CIMIP4: variants seen among roughly 807,000 people sequenced by gnomAD.
The protein encoded by CIMIP4 is ciliary microtubule inner protein 4.
the CIMIP4 span, chr22:37,004,160 G>T: frequency 2.7e-6 from 2 of 737,616 alleles, no homozygotes; most frequent in East Asian, 6.1e-5. Context: ...AGCTGCCCCT[G>T]GTGCCCTCTG....
At chr22:36,999,349 G>A in the CIMIP4 span, among the ~76,000 whole-genome samples, 3 of 148,738 alleles carry the variant, frequency 2.0e-5, no homozygotes, top group East Asian at 2.0e-4. Context: ...GTATGGTGGC[G>A]CGCATCTGTG....
chr22:36,992,218 G>T, the CIMIP4 span, among the ~76,000 whole-genome samples: 2 of 152,080 alleles, frequency 1.3e-5, no homozygotes, highest in Admixed American at 6.5e-5. Context: ...GTGGTGGCGG[G>T]CTCCTGTAAT....
At chr22:37,000,098 T>C in the CIMIP4 span, 1 of 1,345,916 alleles carries the variant, frequency 7.4e-7, no homozygotes, top group Non-Finnish European at 9.9e-7. Flanking sequence ...ATCCCACCTG[T>C]AGCCTGCAGC....
the CIMIP4 span, among the ~76,000 whole-genome samples, chr22:36,996,558 T>A: frequency 3.6e-3 from 553 of 152,222 alleles, 3 homozygotes; most frequent in African/African-American, 0.013. Flanking sequence ...AATGGAGGTA[T>A]ATACCATATT....
chr22:37,002,442 G>C, the CIMIP4 span: 1 of 539,634 alleles, frequency 1.9e-6, no homozygotes, highest in African/African-American at 1.9e-5. Context: ...TCCACAGCCA[G>C]AGAAGGGGAG....
At chr22:36,991,933 GT>G in the CIMIP4 span, among the ~76,000 whole-genome samples, 8 of 152,134 alleles carry the variant, frequency 5.3e-5, no homozygotes, top group Non-Finnish European at 1.2e-4. Context: ...ACTTATCTCT[GT>G]TTTCAAAATT....
chr22:37,003,826 A>G, the CIMIP4 span: 1 of 740,608 alleles, frequency 1.4e-6, no homozygotes, highest in Non-Finnish European at 2.0e-6. Context: ...ATGCCCCCCT[A>G]GGAAGCCTGG....
chr22:36,992,516 C>T, the CIMIP4 span, among the ~76,000 whole-genome samples: 1 of 152,008 alleles, frequency 6.6e-6, no homozygotes, highest in Non-Finnish European at 1.5e-5. Context: ...AAAAATTAAA[C>T]TCCATGGCAA....
chr22:37,005,082 G>A, the CIMIP4 span, among the ~76,000 whole-genome samples: 25 of 152,144 alleles, frequency 1.6e-4, no homozygotes, highest in Non-Finnish European at 3.2e-4. Context: ...GCCCTGTGGA[G>A]CAGCCCATGG....
At chr22:37,004,637 G>C in the CIMIP4 span, among the ~76,000 whole-genome samples, 1 of 151,948 alleles carries the variant, frequency 6.6e-6, no homozygotes. Flanking sequence ...TAGAGGGGTA[G>C]ATTCAAAAGC....
the CIMIP4 span, among the ~76,000 whole-genome samples, chr22:36,996,165 C>G: frequency 1.4e-4 from 21 of 151,890 alleles, no homozygotes; most frequent in African/African-American, 5.1e-4. Context: ...GTAGCATTTA[C>G]CACATGGGAT....
chr22:36,993,063 G>A, the CIMIP4 span, among the ~76,000 whole-genome samples: 10 of 148,332 alleles, frequency 6.7e-5, no homozygotes, highest in South Asian at 1.3e-3. Flanking sequence ...CCAGGCTGGA[G>A]TGCTGTGGCT....
the CIMIP4 span, chr22:37,002,102 G>T: frequency 1.0e-5 from 16 of 1,573,728 alleles, no homozygotes; most frequent in Non-Finnish European, 1.2e-5. Flanking sequence ...AGCAGTCGGG[G>T]GTGGAGGGGG....
At chr22:37,002,656 C>T in the CIMIP4 span, among the ~76,000 whole-genome samples, 1 of 152,210 alleles carries the variant, frequency 6.6e-6, no homozygotes, top group Non-Finnish European at 1.5e-5. Context: ...TCTGTGCTTT[C>T]ATGTCCCTGG....
At chr22:36,991,645 C>T in the CIMIP4 span, 2 of 1,414,516 alleles carry the variant, frequency 1.4e-6, no homozygotes, top group Non-Finnish European at 1.0e-6. Context: ...CAGTCGGGTA[C>T]TCCATGGCTT....
chr22:37,003,859 A>G, the CIMIP4 span: 2 of 1,210,244 alleles, frequency 1.7e-6, no homozygotes, highest in African/African-American at 3.1e-5. Flanking sequence ...TCTGGAGGCC[A>G]ACACAAGACG....
the CIMIP4 span, among the ~76,000 whole-genome samples, chr22:36,998,930 G>T: frequency 6.6e-6 from 1 of 152,226 alleles, no homozygotes; most frequent in East Asian, 1.9e-4. Flanking sequence ...CAATGACCCA[G>T]CAAGGGCCAT....
chr22:37,002,762 C>T, the CIMIP4 span, among the ~76,000 whole-genome samples: 3 of 152,188 alleles, frequency 2.0e-5, no homozygotes, highest in East Asian at 1.9e-4. Flanking sequence ...CTGGCAGAGG[C>T]GTTCCTGGGG....
At chr22:36,991,733 G>T in the CIMIP4 span, 2 of 702,982 alleles carry the variant, frequency 2.8e-6, no homozygotes, top group African/African-American at 1.8e-5. Flanking sequence ...AAGTAAAGTC[G>T]TTTGGGTTCA....
Sources: gnomAD v4.1 joint callset for allele counts (sites outside exome capture counted in the v4.1 genomes callset) on GRCh38, gnomAD v4.1.1 for gene constraint, MANE v1.5 for transcripts, NCBI Gene and HGNC (gene_info 2026-07-23, HGNC 2026-07-21) for gene names.